Variants in GARIN2 observed in about 807,000 individuals in gnomAD.
GARIN2 encodes golgi associated RAB2 interactor family member 2.
At chr14:67,197,329 G>A in the GARIN2 span, 1 of 152,218 alleles carries the variant, frequency 6.6e-6, no homozygotes, top group Non-Finnish European at 1.5e-5. Context: ...TCATCTCCTA[G>A]AGAGGACTGT....
At chr14:67,200,558 A>G in the GARIN2 span, 1 of 236,140 alleles carries the variant, frequency 4.2e-6, no homozygotes, top group Non-Finnish European at 8.0e-6. Flanking sequence ...GTTTAAAAAA[A>G]AATGTAAGGA....
chr14:67,210,105 A>C, the GARIN2 span, among the ~76,000 whole-genome samples: 1 of 152,252 alleles, frequency 6.6e-6, no homozygotes, highest in Admixed American at 6.5e-5. Flanking sequence ...GTATTCCTTT[A>C]CTTATGGTAA....
At chr14:67,205,533 G>A in the GARIN2 span, among the ~76,000 whole-genome samples, 3 of 152,138 alleles carry the variant, frequency 2.0e-5, no homozygotes, top group African/African-American at 7.2e-5. Flanking sequence ...ATGGAATTTC[G>A]ATGGGTAAAC....
the GARIN2 span, chr14:67,203,233 C>T: frequency 6.2e-7 from 1 of 1,612,634 alleles, no homozygotes; most frequent in Non-Finnish European, 8.5e-7. Flanking sequence ...CAAAAAGATA[C>T]AGAAACCCTG....
At chr14:67,213,496 A>C in the GARIN2 span, among the ~76,000 whole-genome samples, 1 of 151,324 alleles carries the variant, frequency 6.6e-6, no homozygotes, top group African/African-American at 2.4e-5. Context: ...ACATGAACTC[A>C]TCATTTTTTA....
chr14:67,213,541 C>T, the GARIN2 span, among the ~76,000 whole-genome samples: 228 of 152,016 alleles, frequency 1.5e-3, 1 homozygote, highest in African/African-American at 5.5e-3. Context: ...ATATGTGCCA[C>T]ATTTTCTTAA....
chr14:67,210,697 C>A, the GARIN2 span, among the ~76,000 whole-genome samples: 1 of 151,562 alleles, frequency 6.6e-6, no homozygotes, highest in Admixed American at 6.6e-5. Context: ...CATTGGGAGA[C>A]AGTTTAACAC....
At chr14:67,198,873 T>C in the GARIN2 span, 1 of 660,904 alleles carries the variant, frequency 1.5e-6, no homozygotes, top group East Asian at 2.9e-5. Flanking sequence ...TGAAATGAGT[T>C]CAATGATAGG....
the GARIN2 span, chr14:67,224,665 C>A: frequency 3.1e-6 from 1 of 322,198 alleles, no homozygotes; most frequent in Non-Finnish European, 6.0e-6. Flanking sequence ...GGGCTTATCT[C>A]TGATTCTTTG....
At chr14:67,225,095 T>C in the GARIN2 span, 10 of 1,546,372 alleles carry the variant, frequency 6.5e-6, no homozygotes, top group Non-Finnish European at 8.7e-6. Context: ...ACTTTCCTTA[T>C]TCTTTTTCTT....
chr14:67,204,871 A>G, the GARIN2 span: 34 of 1,613,878 alleles, frequency 2.1e-5, no homozygotes, highest in African/African-American at 4.0e-5. Context: ...CAGGGACAGC[A>G]TAGATTTCCC....
the GARIN2 span, chr14:67,201,713 T>C: frequency 2.6e-5 from 9 of 349,264 alleles, no homozygotes; most frequent in East Asian, 6.9e-4. Flanking sequence ...AAAACCAGGA[T>C]TCTGTTAATC....
At chr14:67,224,768 A>G in the GARIN2 span, 1 of 250,594 alleles carries the variant, frequency 4.0e-6, no homozygotes, top group Non-Finnish European at 7.8e-6. Flanking sequence ...TTTCCTTCCT[A>G]CCCTTACCCA....
the GARIN2 span, among the ~76,000 whole-genome samples, chr14:67,212,045 G>T: frequency 6.6e-6 from 1 of 152,084 alleles, no homozygotes; most frequent in African/African-American, 2.4e-5. Flanking sequence ...CCACTGTGAA[G>T]ATCTGCTAAA....
chr14:67,200,048 G>T, the GARIN2 span: 2 of 936,984 alleles, frequency 2.1e-6, no homozygotes, highest in East Asian at 2.6e-5. Context: ...CCAGGCTCTG[G>T]GGGACAGCCA....
At chr14:67,208,880 G>C in the GARIN2 span, among the ~76,000 whole-genome samples, 3 of 135,720 alleles carry the variant, frequency 2.2e-5, no homozygotes, top group Non-Finnish European at 4.6e-5. Flanking sequence ...CTGGGTGACA[G>C]AGTAAAACTC....
the GARIN2 span, among the ~76,000 whole-genome samples, chr14:67,192,260 G>A: frequency 5.3e-5 from 8 of 152,150 alleles, no homozygotes; most frequent in African/African-American, 1.9e-4. Flanking sequence ...AGAATAACTT[G>A]TGACAAAAGA....
At chr14:67,211,434 T>A in the GARIN2 span, among the ~76,000 whole-genome samples, 1 of 152,078 alleles carries the variant, frequency 6.6e-6, no homozygotes, top group Admixed American at 6.6e-5. Context: ...AGAGGAGAAC[T>A]GGGGAAAAGA....
chr14:67,209,819 G>GAAAAA, the GARIN2 span, among the ~76,000 whole-genome samples: 7 of 76,848 alleles, frequency 9.1e-5, no homozygotes, highest in Admixed American at 3.2e-4. Context: ...CTCCATCTCG[G>GAAAAA]AAAAAAAAAA....
Sources: gnomAD v4.1 joint callset for allele counts (sites outside exome capture counted in the v4.1 genomes callset) on GRCh38, gnomAD v4.1.1 for gene constraint, MANE v1.5 for transcripts, NCBI Gene and HGNC (gene_info 2026-07-23, HGNC 2026-07-21) for gene names.